The following BMP2K variants were observed in gnomAD, a reference collection of about 807,000 sequenced individuals.
The protein encoded by BMP2K is BMP-2-inducible protein kinase.
BMP2K carries 74 observed loss-of-function variants against 116.0 expected under a neutral mutation model. That is an observed-to-expected ratio of 0.64 (90% confidence interval 0.53 to 0.77). The LOEUF (loss-of-function observed/expected upper bound fraction) is 0.77, where lower values mean the gene tolerates loss of function less well. Among genes scored for constraint, BMP2K ranks in the 30% least tolerant of loss-of-function variants. BMP2K has a pLI of 0.00. For missense variants in BMP2K, 1,365 were observed against 1,403.6 expected (o/e 0.97, Z 0.44); for synonymous variants, 486 against 502.5 (o/e 0.97, Z 0.44).
intron 15 of BMP2K, among the ~76,000 whole-genome samples, chr4:78,906,494 AGT>A (rs1366204778): frequency 1.1e-4 from 16 of 152,138 alleles, no homozygotes; most frequent in Admixed American, 3.3e-4. Flanking sequence ...TCTTTTTGAA[AGT>A]GTGTTTCCAT....
At chr4:78,889,456 TAAA>T (rs966144135) in intron 15 of BMP2K, among the ~76,000 whole-genome samples, 27 of 152,248 alleles carry the variant, frequency 1.8e-4, no homozygotes, top group African/African-American at 5.8e-4. Context: ...AATATTAAGT[TAAA>T]AAATCTAAAT....
At chr4:78,829,745 T>A (rs1730061691) in intron 2 of BMP2K, among the ~76,000 whole-genome samples, 1 of 139,346 alleles carries the variant, frequency 7.2e-6, no homozygotes, top group African/African-American at 3.0e-5. Flanking sequence ...TTAGCAGGCA[T>A]GGAAACAATC....
At chr4:78,857,795 A>G (rs1048550378) in intron 7 of BMP2K, among the ~76,000 whole-genome samples, 5 of 152,044 alleles carry the variant, frequency 3.3e-5, no homozygotes, top group African/African-American at 4.8e-5. Context: ...AGTATCACGA[A>G]TAGTGTTTTT....
At chr4:78,869,055 C>T (rs1732205137) in intron 10 of BMP2K, among the ~76,000 whole-genome samples, 1 of 152,214 alleles carries the variant, frequency 6.6e-6, no homozygotes, top group Non-Finnish European at 1.5e-5. Context: ...CCCACATTTC[C>T]CTTCTGCACT....
chr4:78,902,948 A>G (rs1472976592), intron 15 of BMP2K, among the ~76,000 whole-genome samples: 1 of 152,114 alleles, frequency 6.6e-6, no homozygotes, highest in Admixed American at 6.6e-5. Context: ...TTTATGAAGT[A>G]TTTGTTTAAA....
intron 7 of BMP2K, 77 bp downstream of exon 7, chr4:78,851,133 A>G: frequency 1.5e-6 from 2 of 1,303,232 alleles, no homozygotes; most frequent in Non-Finnish European, 2.0e-6. Context: ...CCTTTACTTA[A>G]ATCTAGTCTT....
chr4:78,807,563 C>CT (rs1379557386), intron 1 of BMP2K, among the ~76,000 whole-genome samples: 1 of 150,668 alleles, frequency 6.6e-6, no homozygotes, highest in Non-Finnish European at 1.5e-5. Context: ...TTCTTTTTTT[C>CT]TTTTTTCTTT....
intron 7 of BMP2K, among the ~76,000 whole-genome samples, chr4:78,855,576 C>T (rs1296185308): frequency 6.6e-6 from 1 of 152,128 alleles, no homozygotes; most frequent in Non-Finnish European, 1.5e-5. Context: ...TTGGCTGCTG[C>T]AACAGGCAGC....
At chr4:78,788,517 T>C (rs1379257928) in intron 1 of BMP2K, among the ~76,000 whole-genome samples, 1 of 152,078 alleles carries the variant, frequency 6.6e-6, no homozygotes, top group Non-Finnish European at 1.5e-5. Context: ...GATTGCTAAA[T>C]CTTTGGTAAA....
At chr4:78,873,339 TTAAA>T (rs1313537191) in intron 13 of BMP2K, among the ~76,000 whole-genome samples, 3 of 152,346 alleles carry the variant, frequency 2.0e-5, no homozygotes, top group Non-Finnish European at 4.4e-5. Flanking sequence ...GCGTTATAAA[TTAAA>T]TAACTTTGGT....
At chr4:78,818,103 G>A (rs1170179474) in intron 1 of BMP2K, among the ~76,000 whole-genome samples, 1 of 152,014 alleles carries the variant, frequency 6.6e-6, no homozygotes, top group Admixed American at 6.5e-5. Context: ...ACATAGAGGT[G>A]AATTATGGTG....
Position 78,872,604 on chromosome 4 carries a change from C to CT in BMP2K, c.1609-4dup, listed in dbSNP as rs1156717107. 6 of 1,612,496 alleles carry CT rather than the reference C, an allele frequency of 3.7e-6. No homozygotes were observed. Among genetic ancestry groups the CT allele is most frequent in the African/African-American group, 1.3e-5 (1 of 74,942 alleles). On this transcript the variant is annotated splice_polypyrimidine_tract_variant and intron_variant, in intron 12 of 15. Coordinates refer to ENST00000502613, the MANE Select transcript of BMP2K (RefSeq NM_198892.2). ...AGCATTGTTTTGTATAATATCATTTCTTTTTTCAGATGCCGCAGTATCAGC... is the reference window on the plus strand; with the variant it reads ...AGCATTGTTTTGTATAATATCATTTCTTTTTTTCAGATGCCGCAGTATCAGC...
chr4:78,897,084 T>TTATA (rs35092801), intron 15 of BMP2K, among the ~76,000 whole-genome samples: 8 of 151,528 alleles, frequency 5.3e-5, no homozygotes, highest in East Asian at 3.9e-4. Flanking sequence ...TAGTATGATT[T>TTATA]TATATATATA....
At position 78,911,790 on chromosome 4, in the gene BMP2K, G is replaced by T; in HGVS notation, c.3243G>T (p.Trp1081Cys). Residue 1081 changes from tryptophan (W) to cysteine (C), a missense_variant, in exon 16 of 16, where the codon TGG becomes TGT. Physicochemically the swap from Trp to Cys is radical, Grantham distance 215. Transcript: ENST00000502613. ...AKPFHSPDLSWHPPHQGLSDI... is the reference protein window; with the variant it reads ...AKPFHSPDLSCHPPHQGLSDI... ...CCTTCCATTCTCCAGACCTGTCATG[G>T]CACCCTCCACATCAGGGCCTGAGCG... is the stretch of plus-strand genomic sequence containing the variant. 1 of 1,613,982 alleles carries T rather than the reference G, an allele frequency of 6.2e-7. No homozygotes were observed. Among genetic ancestry groups the T allele is most frequent in the African/African-American group, 1.3e-5 (1 of 75,036 alleles).
intron 1 of BMP2K, among the ~76,000 whole-genome samples, chr4:78,803,553 A>AT (rs1728674965): frequency 6.6e-6 from 1 of 151,794 alleles, no homozygotes; most frequent in Admixed American, 6.6e-5. Context: ...ACATTTTTGT[A>AT]TTTTTAGTAG....
Position 78,829,760 on chromosome 4 carries a change from C to CTT in BMP2K, c.297+3608_297+3609dup, listed in dbSNP as rs1730067044. Among the ~76,000 whole-genome samples the CTT allele has an allele frequency of 7.2e-4, 75 of 104,442 alleles. 1 individual carries two copies. In the South Asian group the frequency reaches 0.021, roughly 29 times the overall value. The allele number at this position is 104,442 out of a possible 152,430, so 68.5% of individuals were successfully genotyped here. A position where few individuals can be genotyped will look rare whatever the true frequency, so the allele number is the denominator to read the frequency against. ...TTAGCAGGCATGGAAACAATCTTTT[C>CTT]TTTTCTTTTCTTTTCTTTTCTTTTC... On this transcript the variant is annotated intron_variant, in intron 2 of 15. Coordinates refer to ENST00000502613, the MANE Select transcript of BMP2K (RefSeq NM_198892.2).
chr4:78,847,184 C>T lies in BMP2K; in HGVS notation c.669-4C>T, dbSNP rs754768825. 6 of 1,483,580 alleles carry T rather than the reference C, an allele frequency of 4.0e-6. No homozygotes were observed. Among genetic ancestry groups the T allele is most frequent in the South Asian group, 2.9e-5 (2 of 68,534 alleles). 91.9% of individuals were successfully genotyped at this position (1,483,580 alleles called of 1,614,324 possible). ...TCCACTCCATTTCACTCATTTACTGCCAGGTATACAACTCTGTCATACAGA... is the reference window on the plus strand; with the variant it reads ...TCCACTCCATTTCACTCATTTACTGTCAGGTATACAACTCTGTCATACAGA... On this transcript the variant is annotated splice_region_variant and splice_polypyrimidine_tract_variant and intron_variant, in intron 5 of 15. Coordinates refer to ENST00000502613, the MANE Select transcript of BMP2K (RefSeq NM_198892.2).
intron 1 of BMP2K, among the ~76,000 whole-genome samples, chr4:78,782,081 A>G (rs954984127): frequency 6.6e-6 from 1 of 151,960 alleles, no homozygotes; most frequent in Non-Finnish European, 1.5e-5. Context: ...CTAGGTGAAT[A>G]CTCTTTGCGC....
At chr4:78,900,609 A>G (rs557809457) in intron 15 of BMP2K, among the ~76,000 whole-genome samples, 1 of 152,314 alleles carries the variant, frequency 6.6e-6, no homozygotes, top group South Asian at 2.1e-4. Flanking sequence ...CAGCTGGCCT[A>G]CCTTACTTTG....
Sources: allele counts gnomAD v4.1 joint callset (sites outside exome capture counted in the v4.1 genomes callset), GRCh38; gene constraint gnomAD v4.1.1; transcripts MANE v1.5; gene names NCBI Gene and HGNC (gene_info 2026-07-23, HGNC 2026-07-21).